Variants in CCDC180 observed in about 807,000 individuals in gnomAD.
The protein encoded by CCDC180 is coiled-coil domain containing 180.
Under a neutral mutation model 209.2 loss-of-function variants are expected in CCDC180, and 154 were observed. The observed-to-expected ratio is 0.74, with a 90% CI of 0.65 to 0.84. The LOEUF is 0.84. Ranked by LOEUF, CCDC180 falls within the 40% of genes least tolerant of loss-of-function variation. The pLI is 0.00. For missense variants in CCDC180, 1,874 were observed against 1,997.3 expected (o/e 0.94, Z 1.18); for synonymous variants, 778 against 749.1 (o/e 1.04, Z -0.63).
chr9:97,360,886 G>A (rs1826733747), intron 26 of CCDC180, among the ~76,000 whole-genome samples: 1 of 152,158 alleles, frequency 6.6e-6, no homozygotes, highest in South Asian at 2.1e-4. Flanking sequence ...TTCCAGGGAA[G>A]GGCCTGACAG....
intron 18 of CCDC180, among the ~76,000 whole-genome samples, chr9:97,340,730 G>A (rs1024654266): frequency 7.2e-5 from 11 of 152,188 alleles, no homozygotes; most frequent in South Asian, 2.1e-4. Context: ...GTTGCCAGGC[G>A]GACCATGGTC....
At position 97,375,654 on chromosome 9, in the gene CCDC180, G is replaced by A. The variant is rs566978068; in HGVS notation, c.4842+65G>A. On this transcript the variant is annotated intron_variant, in intron 36 of 36. Transcript: ENST00000529487. ...CTCAGGTCGGCTGCCTTGGGAAGGGGGAGCTTCCCATCACCCGGCACCCAA... is the reference window on the plus strand; with the variant it reads ...CTCAGGTCGGCTGCCTTGGGAAGGGAGAGCTTCCCATCACCCGGCACCCAA... 1.0e-4 allele frequency: 167 copies of A among 1,594,928 alleles called. No homozygotes were observed. The East Asian group carries it at 3.7e-3, about 35-fold the overall frequency.
intron 36 of CCDC180, chr9:97,375,804 C>A: frequency 1.7e-6 from 1 of 592,578 alleles, no homozygotes; most frequent in Non-Finnish European, 2.9e-6. Context: ...GATCCCAATG[C>A]TGTGGGAGCC....
chr9:97,325,334 A>G (rs1370112511), intron 14 of CCDC180, 142 bp downstream of exon 14: 1 of 805,056 alleles, frequency 1.2e-6, no homozygotes, highest in African/African-American at 1.7e-5. Flanking sequence ...ATGGGATCAG[A>G]TGGGAGTAGC....
chr9:97,327,381 T>C (rs1431971735), intron 15 of CCDC180, among the ~76,000 whole-genome samples: 3 of 152,188 alleles, frequency 2.0e-5, no homozygotes, highest in Non-Finnish European at 4.4e-5. Flanking sequence ...TAACTACAGA[T>C]ATACTTCCTT....
chr9:97,309,527 G>C lies in CCDC180; in HGVS notation c.183G>C (p.Glu61Asp). Residue 61 changes from glutamate to aspartate, a missense_variant, in exon 3 of 37, where the codon GAG becomes GAC. Transcript: ENST00000529487. ...AGAAGGTGGAGACTCCTGAAGGGGA[G>C]GTGATGTCTCCCCGACAGCAGAAGT... ...MMKKVETPEG[E>D]VMSPRQQKWM... 6.2e-7 allele frequency: 1 copy of C among 1,601,778 alleles called. No individual in the cohort carries two copies. The highest frequency in any genetic ancestry group is 8.5e-7 in the Non-Finnish European group (1 of 1,174,616).
At chr9:97,375,898 G>A in intron 36 of CCDC180, 1 of 350,522 alleles carries the variant, frequency 2.9e-6, no homozygotes, top group South Asian at 5.7e-5. Context: ...ATTGTCACCA[G>A]GCACGGAAGC....
chr9:97,363,435 C>A, intron 28 of CCDC180: 2 of 304,762 alleles, frequency 6.6e-6, no homozygotes, highest in East Asian at 7.0e-5. Context: ...GGTTGCTGCA[C>A]ATCATGGGGC....
At chr9:97,361,997 C>G (rs1418934992) in intron 27 of CCDC180, 99 bp downstream of exon 27, 2 of 1,421,200 alleles carry the variant, frequency 1.4e-6, no homozygotes, top group South Asian at 2.7e-5. Flanking sequence ...GGGGTTCCCA[C>G]GTGAGTCCAC....
intron 11 of CCDC180, among the ~76,000 whole-genome samples, chr9:97,320,993 G>T (rs1833339383): frequency 6.6e-6 from 1 of 152,138 alleles, no homozygotes; most frequent in East Asian, 1.9e-4. Flanking sequence ...GGGGGCTGTG[G>T]TGCCTGGATA....
At chr9:97,350,737 A>G (rs1826400202) in intron 22 of CCDC180, among the ~76,000 whole-genome samples, 182 bp downstream of exon 22, 1 of 152,200 alleles carries the variant, frequency 6.6e-6, no homozygotes, top group African/African-American at 2.4e-5. Flanking sequence ...TGCTACCATC[A>G]CCACCACTGG....
chr9:97,323,867 C>T lies in CCDC180; in HGVS notation c.1335C>T (p.Leu445=). The change falls in exon 13 of 37, where the codon CTC becomes CTT. Residue 445 remains leucine (L), a synonymous_variant. Coordinates refer to ENST00000529487, the MANE Select transcript of CCDC180 (RefSeq NM_020893.6). ...NQFFFQMVGA[L]QGKVEEDLEL... ...TCTTCTTCCAGATGGTGGGAGCACTCCAGGGCAAAGTGGAGGAGGACCTGG... is the reference window on the plus strand; with the variant it reads ...TCTTCTTCCAGATGGTGGGAGCACTTCAGGGCAAAGTGGAGGAGGACCTGG... 5.1e-6 allele frequency: 8 copies of T among 1,555,084 alleles called. No individual in the cohort carries two copies. Among genetic ancestry groups the T allele is most frequent in the Non-Finnish European group, 7.0e-6 (8 of 1,148,846 alleles).
chr9:97,359,529 G>A (rs544260764), intron 25 of CCDC180, among the ~76,000 whole-genome samples: 35 of 152,220 alleles, frequency 2.3e-4, no homozygotes, highest in Admixed American at 8.5e-4. Flanking sequence ...GAGAGGGTGC[G>A]TGTTAGACAT....
intron 27 of CCDC180, 44 bp downstream of exon 27, chr9:97,361,942 C>T (rs1826766748): frequency 1.9e-6 from 3 of 1,596,496 alleles, no homozygotes; most frequent in South Asian, 2.3e-5. Context: ...CACCCCTGCC[C>T]CTGGCCCTGG....
Position 97,314,853 on chromosome 9 carries a change from A to G in CCDC180, c.702A>G (p.Leu234=), listed in dbSNP as rs375107699. Residue 234 remains leucine, a splice_region_variant and synonymous_variant, in exon 8 of 37, where the codon CTA becomes CTG. Transcript: ENST00000529487. ...HSLEFSRTDK[L]KSVLKKYAEV... ...GTATGGTGCCTTGTCATTTCTAGCT[A>G]AAAAGCGTGTTGAAGAAATATGCAG... 49 of 1,613,164 alleles carry G rather than the reference A, an allele frequency of 3.0e-5. No individual in the cohort carries two copies. In the African/African-American group the frequency reaches 6.1e-4, roughly 20 times the overall value.
At position 97,365,679 on chromosome 9, in the gene CCDC180, T is replaced by C. The variant is rs1303259119; in HGVS notation, c.3987T>C (p.Phe1329=). ...TGTCTCGTGTGTGTTGCAGGGATTTTAAGGGGATCATCTTGACCCTCCTCT... is the reference window on the plus strand; with the variant it reads ...TGTCTCGTGTGTGTTGCAGGGATTTCAAGGGGATCATCTTGACCCTCCTCT... ...GDKPPPAAED[F]KGIILTLLWE... The change falls in exon 30 of 37, where the codon TTT becomes TTC. Residue 1329 remains phenylalanine, a synonymous_variant. Coordinates refer to ENST00000529487, the MANE Select transcript of CCDC180 (RefSeq NM_020893.6). The C allele has an allele frequency of 1.2e-6, 2 of 1,614,128 alleles. No individual in the cohort carries two copies. Among genetic ancestry groups the C allele is most frequent in the African/African-American group, 1.3e-5 (1 of 75,046 alleles).
chr9:97,362,571 G>A (rs992927077), intron 28 of CCDC180, 130 bp downstream of exon 28: 69 of 1,348,182 alleles, frequency 5.1e-5, no homozygotes, highest in East Asian at 3.5e-4. Flanking sequence ...GGGACTCCAC[G>A]GGGCGCAGTG....
Position 97,343,457 on chromosome 9 carries a change from A to T in CCDC180, c.2392A>T (p.Lys798Ter). The change falls in exon 19 of 37, where the codon AAG (lysine) becomes TAG (stop). Residue 798 changes from lysine (K) to a stop codon, truncating the protein, a stop_gained. Transcript: ENST00000529487. LOFTEE classifies it high-confidence loss of function. ...ACCCCTGGAAGAAGAGCATTGTAGG[A>T]AGTCCCATTCCACCTTCTCAGCCAT... ...FVPLEEEHCR[K>*]SHSTFSAMFI... 2 of 1,614,116 alleles carry T rather than the reference A, an allele frequency of 1.2e-6. No individual in the cohort carries two copies. Among genetic ancestry groups the T allele is most frequent in the Non-Finnish European group, 1.7e-6 (2 of 1,179,946 alleles).
At chr9:97,352,425 T>C (rs1826446398) in intron 22 of CCDC180, among the ~76,000 whole-genome samples, 1 of 152,182 alleles carries the variant, frequency 6.6e-6, no homozygotes, top group Non-Finnish European at 1.5e-5. Flanking sequence ...CCTACAACTA[T>C]GCATCAGTTT....
Sources: gnomAD v4.1 joint callset for allele counts (sites outside exome capture counted in the v4.1 genomes callset) on GRCh38, gnomAD v4.1.1 for gene constraint, MANE v1.5 for transcripts, NCBI Gene and HGNC (gene_info 2026-07-23, HGNC 2026-07-21) for gene names.